The following PCSK2 variants were observed in gnomAD, a reference collection of about 807,000 sequenced individuals.
The protein encoded by PCSK2 is neuroendocrine convertase 2.
In PCSK2, 14 loss-of-function variants were observed where a neutral mutation model predicts 69.7. The observed-to-expected ratio is 0.20, with a 90% CI of 0.13 to 0.31. PCSK2 has a LOEUF of 0.31. Among genes scored for constraint, PCSK2 ranks in the 10% least tolerant of loss-of-function variants. The pLI is 1.00. For missense variants in PCSK2, 544 were observed against 842.5 expected (o/e 0.65, Z 4.39); for synonymous variants, 307 against 320.7 (o/e 0.96, Z 0.46).
At chr20:17,471,168 C>T (rs144761547) in intron 11 of PCSK2, among the ~76,000 whole-genome samples, 37 of 152,222 alleles carry the variant, frequency 2.4e-4, no homozygotes, top group African/African-American at 8.4e-4. Flanking sequence ...CTGAGATGAA[C>T]GGCAGTTTAT....
chr20:17,476,995 C>T (rs560094100), intron 11 of PCSK2, among the ~76,000 whole-genome samples: 40 of 152,326 alleles, frequency 2.6e-4, no homozygotes, highest in African/African-American at 9.4e-4. Flanking sequence ...GCATCAGTAT[C>T]CGGGGGTGGG....
At chr20:17,346,876 A>G (rs529293116) in intron 2 of PCSK2, among the ~76,000 whole-genome samples, 1 of 151,642 alleles carries the variant, frequency 6.6e-6, no homozygotes, top group South Asian at 2.1e-4. Context: ...CTGAGATTTC[A>G]CTTTCTCGGG....
rs191441525 is a variant in PCSK2 at position 17,304,771 on chromosome 20, C to G, written c.282+44427C>G. Among the ~76,000 whole-genome samples, 16 of 152,190 alleles carry G rather than the reference C, an allele frequency of 1.1e-4. No homozygotes were observed. The East Asian group carries it at 2.7e-3, about 26-fold the overall frequency. The stretch of plus-strand genomic sequence containing the variant: ...ATTCAGTCTCCCCATATGTAAAATG[C>G]AGATAATAATAGATAGCAAAAGTTT... On this transcript the variant is annotated intron_variant, in intron 2 of 11. Transcript: ENST00000262545.
chr20:17,275,704 A>G (rs555761504), intron 2 of PCSK2, among the ~76,000 whole-genome samples: 3 of 152,294 alleles, frequency 2.0e-5, no homozygotes, highest in South Asian at 2.1e-4. Flanking sequence ...TCTTTGAAGT[A>G]TAAGGAAACG....
intron 2 of PCSK2, among the ~76,000 whole-genome samples, chr20:17,287,062 T>C (rs1003272301): frequency 6.6e-6 from 1 of 152,132 alleles, no homozygotes; most frequent in Admixed American, 6.5e-5. Flanking sequence ...CGGACCATAG[T>C]CTTTTCTCCT....
intron 8 of PCSK2, among the ~76,000 whole-genome samples, chr20:17,449,405 A>G (rs1045616596): frequency 4.6e-5 from 7 of 151,746 alleles, no homozygotes; most frequent in Non-Finnish European, 8.8e-5. Context: ...CCTGGATAAA[A>G]TTCCCTCTGT....
intron 5 of PCSK2, 23 bp downstream of exon 5, chr20:17,369,300 G>A: frequency 6.2e-7 from 1 of 1,607,094 alleles, no homozygotes; most frequent in Non-Finnish European, 8.5e-7. Flanking sequence ...CAACTTTGGT[G>A]GGGAAACAGA....
At chr20:17,345,751 C>T (rs760896382) in intron 2 of PCSK2, among the ~76,000 whole-genome samples, 31 of 152,142 alleles carry the variant, frequency 2.0e-4, no homozygotes, top group Admixed American at 5.2e-4. Context: ...CTGAACCACA[C>T]GGTTTGGGGC....
intron 11 of PCSK2, among the ~76,000 whole-genome samples, chr20:17,475,212 GT>G (rs1220431351): frequency 6.6e-6 from 1 of 151,772 alleles, no homozygotes; most frequent in Non-Finnish European, 1.5e-5. Flanking sequence ...AGGAGCATTG[GT>G]TTTATGTATT....
At position 17,426,079 on chromosome 20, in the gene PCSK2, G is replaced by A. The variant is rs116085602; in HGVS notation, c.621-3356G>A. Among the ~76,000 whole-genome samples, 632 of 152,238 alleles carry A rather than the reference G, an allele frequency of 4.2e-3. 4 individuals are homozygous for A. Among genetic ancestry groups the A allele is most frequent in the African/African-American group, 0.014 (579 of 41,536 alleles). ...ACCTAGTTGAATGGTGATATGGTTT[G>A]ACTCTGTGTCTCCACTGAAATCTCA... is the stretch of plus-strand genomic sequence containing the variant. On this transcript the variant is annotated intron_variant, in intron 6 of 11. Coordinates refer to ENST00000262545, the MANE Select transcript of PCSK2 (RefSeq NM_002594.5).
chr20:17,474,889 G>A (rs901556825), intron 11 of PCSK2, among the ~76,000 whole-genome samples: 1 of 152,104 alleles, frequency 6.6e-6, no homozygotes, highest in Non-Finnish European at 1.5e-5. Flanking sequence ...TATCACCAAC[G>A]ATGACATAAA....
chr20:17,279,260 T>C (rs1322908541), intron 2 of PCSK2, among the ~76,000 whole-genome samples: 1 of 152,228 alleles, frequency 6.6e-6, no homozygotes, highest in African/African-American at 2.4e-5. Context: ...AACTATTAGG[T>C]TGGGAATAAA....
chr20:17,233,261 G>A (rs1003432052), intron 1 of PCSK2, among the ~76,000 whole-genome samples: 22 of 152,248 alleles, frequency 1.4e-4, no homozygotes, highest in African/African-American at 9.6e-5. Flanking sequence ...AAATATGGTG[G>A]CTGTGAAAAA....
At chr20:17,348,934 G>C (rs972766902) in intron 2 of PCSK2, among the ~76,000 whole-genome samples, 6 of 152,166 alleles carry the variant, frequency 3.9e-5, no homozygotes, top group African/African-American at 1.4e-4. Flanking sequence ...GCCCACAACA[G>C]GCATGACCCG....
In PCSK2 at chr20:17,357,486, T is replaced by A. The variant is rs548351557; in HGVS notation, c.283-841T>A. ...ACTGGGAAGCCATCCAGAAAAATTA[T>A]ACATGCTGTTTTCACTCTCTCTCTT... is the stretch of plus-strand genomic sequence containing the variant. On this transcript the variant is annotated intron_variant, in intron 2 of 11. Transcript: ENST00000262545. Among the ~76,000 whole-genome samples, 17 of 152,382 alleles carry A rather than the reference T, an allele frequency of 1.1e-4. No homozygotes were observed. In the East Asian group the frequency reaches 3.3e-3, roughly 29 times the overall value.
rs61245738 is a variant in PCSK2 at position 17,294,042 on chromosome 20, G to C, written c.282+33698G>C. On this transcript the variant is annotated intron_variant, in intron 2 of 11. Transcript: ENST00000262545. ...TTGGTAATTTACATGTTCCTTGAAC[G>C]TACTTATTCACCTCAATTATGAAAT... is the stretch of plus-strand genomic sequence containing the variant. 8.9e-3 allele frequency among the ~76,000 whole-genome samples: 1,336 copies of C among 149,638 alleles called. 23 individuals carry two copies. The highest frequency in any genetic ancestry group is 0.032 in the African/African-American group (1,288 of 40,656).
At chr20:17,326,764 A>T (rs6136068) in intron 2 of PCSK2, among the ~76,000 whole-genome samples, 12,512 of 152,212 alleles carry the variant, frequency 0.082, 593 homozygotes, top group African/African-American at 0.12. Context: ...TTATCTAGGG[A>T]AGAAAAAGCC....
intron 1 of PCSK2, among the ~76,000 whole-genome samples, chr20:17,229,119 T>C (rs1485063596): frequency 6.6e-6 from 1 of 152,040 alleles, no homozygotes; most frequent in Non-Finnish European, 1.5e-5. Flanking sequence ...GAAGCTTACG[T>C]GCTGGAGTCC....
At chr20:17,458,683 C>G (rs1197286999) in intron 10 of PCSK2, among the ~76,000 whole-genome samples, 1 of 152,186 alleles carries the variant, frequency 6.6e-6, no homozygotes, top group African/African-American at 2.4e-5. Flanking sequence ...GTATGTCCAT[C>G]AGGACCTTGA....
Sources: gnomAD v4.1 joint callset for allele counts (sites outside exome capture counted in the v4.1 genomes callset) on GRCh38, gnomAD v4.1.1 for gene constraint, MANE v1.5 for transcripts, NCBI Gene and HGNC (gene_info 2026-07-23, HGNC 2026-07-21) for gene names.